The following EFTUD2 variants were observed in gnomAD, a reference collection of about 807,000 sequenced individuals.
EFTUD2 encodes the protein elongation factor Tu GTP binding domain containing 2, also known as 116 kDa U5 small nuclear ribonucleoprotein component.
A neutral mutation model predicts 114.3 loss-of-function variants in EFTUD2; 9 were observed. The observed-to-expected ratio is 0.08, with a 90% CI of 0.05 to 0.14. EFTUD2 has a LOEUF of 0.14. Ranked by LOEUF, EFTUD2 falls within the 10% of genes least tolerant of loss-of-function variation. EFTUD2 has a pLI of 1.00. For synonymous variants in EFTUD2, 449 were observed against 462.3 expected (o/e 0.97, Z 0.37); for missense variants, 765 against 1,241.2 (o/e 0.62, Z 5.76).
At chr17:44,872,394 G>A in intron 11 of EFTUD2, 52 bp downstream of exon 11, 2 of 1,602,556 alleles carry the variant, frequency 1.2e-6, no homozygotes, top group South Asian at 2.2e-5. Flanking sequence ...AGCAGGAAAG[G>A]CACACAGGAC....
intron 4 of EFTUD2, 55 bp downstream of exon 4, chr17:44,885,200 CA>C: frequency 6.8e-7 from 1 of 1,466,726 alleles, no homozygotes; most frequent in Non-Finnish European, 9.5e-7. Context: ...CTTATCTCTA[CA>C]AAAACATGAA....
intron 19 of EFTUD2, 139 bp downstream of exon 19, chr17:44,858,941 C>A: frequency 1.5e-6 from 1 of 658,148 alleles, no homozygotes; most frequent in South Asian, 1.7e-5. Context: ...AAAAACCTTC[C>A]CATATAAGGA....
chr17:44,890,552 C>T (rs146180578), intron 2 of EFTUD2, among the ~76,000 whole-genome samples: 1,929 of 151,768 alleles, frequency 0.013, 39 homozygotes, highest in African/African-American at 0.042. Context: ...ACTAGCCGGG[C>T]GTGGACGCAC....
intron 10 of EFTUD2, among the ~76,000 whole-genome samples, chr17:44,873,721 C>CCCA (rs2145507871): frequency 6.7e-6 from 1 of 150,346 alleles, no homozygotes; most frequent in Non-Finnish European, 1.5e-5. Flanking sequence ...TCAGCTCTAT[C>CCCA]CCACTTCCTA....
At chr17:44,880,267 C>A (rs985761424) in intron 8 of EFTUD2, among the ~76,000 whole-genome samples, 1 of 152,164 alleles carries the variant, frequency 6.6e-6, no homozygotes, top group Non-Finnish European at 1.5e-5. Context: ...TTTAGCTCCC[C>A]AGCAGATAGC....
intron 2 of EFTUD2, among the ~76,000 whole-genome samples, chr17:44,887,526 G>A (rs539008505): frequency 1.2e-4 from 19 of 152,284 alleles, no homozygotes; most frequent in South Asian, 8.3e-4. Context: ...GTATATACAT[G>A]CTACAGCGTA....
chr17:44,860,092 C>G, intron 17 of EFTUD2, 47 bp from the exon 18 acceptor site: 1 of 1,613,716 alleles, frequency 6.2e-7, no homozygotes. Flanking sequence ...CATGAGCAGG[C>G]ACAGAAAGTG....
chr17:44,870,555 C>T (rs2050830441), intron 11 of EFTUD2, among the ~76,000 whole-genome samples: 1 of 152,132 alleles, frequency 6.6e-6, no homozygotes, highest in Non-Finnish European at 1.5e-5. Context: ...CTGCCTCTGC[C>T]ACCTGAGACA....
At position 44,875,997 on chromosome 17, in the gene EFTUD2, A is replaced by T; in HGVS notation, c.806T>A (p.Leu269Gln). 6.2e-7 allele frequency: 1 copy of T among 1,614,150 alleles called. No individual in the cohort carries two copies. Among genetic ancestry groups the T allele is most frequent in the Non-Finnish European group, 8.5e-7 (1 of 1,180,032 alleles). Residue 269 changes from leucine (L) to glutamine (Q), a missense_variant, in exon 10 of 28, where the codon CTG becomes CAG. Leu to Gln is a moderately radical substitution (Grantham distance 113). Coordinates refer to ENST00000426333, the MANE Select transcript of EFTUD2 (RefSeq NM_004247.4). ...KIDRLILELK[L>Q]PPTDAYYKLR... is the part of the protein sequence containing the mutation. ...CTTGTAATAAGCATCAGTTGGAGGC[A>T]GCTTCAGCTCCAGGATCAGCCGGTC...
chr17:44,894,345 G>C, intron 2 of EFTUD2, 72 bp downstream of exon 2: 1 of 1,319,322 alleles, frequency 7.6e-7, no homozygotes, highest in Non-Finnish European at 1.1e-6. Flanking sequence ...ACTCCAACCT[G>C]GCAAGAGAGT....
chr17:44,880,476 G>A (rs1567748521), intron 8 of EFTUD2, 78 bp downstream of exon 8: 23 of 1,113,148 alleles, frequency 2.1e-5, no homozygotes, highest in South Asian at 1.3e-4. Flanking sequence ...GCACTGCTCC[G>A]TTCTGCTCCG....
chr17:44,898,014 G>C (rs1190744853), intron 1 of EFTUD2, among the ~76,000 whole-genome samples: 1 of 152,170 alleles, frequency 6.6e-6, no homozygotes, highest in Non-Finnish European at 1.5e-5. Context: ...GGATTAGACT[G>C]ATACCTCCAA....
At chr17:44,895,614 G>A (rs2051370118) in intron 1 of EFTUD2, among the ~76,000 whole-genome samples, 1 of 151,962 alleles carries the variant, frequency 6.6e-6, no homozygotes, top group Non-Finnish European at 1.5e-5. Flanking sequence ...GAAACCATAT[G>A]GCTCACAAAG....
At chr17:44,897,596 G>A (rs1468393019) in intron 1 of EFTUD2, among the ~76,000 whole-genome samples, 1 of 151,988 alleles carries the variant, frequency 6.6e-6, no homozygotes, top group African/African-American at 2.4e-5. Context: ...ACGGAGTCCC[G>A]CTCTGTTGCC....
intron 6 of EFTUD2, among the ~76,000 whole-genome samples, chr17:44,882,514 C>T (rs535534047): frequency 4.4e-4 from 67 of 152,176 alleles, no homozygotes; most frequent in Non-Finnish European, 7.1e-4. Flanking sequence ...TCCTGGCCTC[C>T]CAAAGTACTG....
chr17:44,870,653 G>C (rs1053016391), intron 11 of EFTUD2, among the ~76,000 whole-genome samples: 37 of 152,074 alleles, frequency 2.4e-4, no homozygotes, highest in African/African-American at 8.4e-4. Context: ...TCCACTTAAT[G>C]AACAGTAAAT....
At chr17:44,890,063 A>G (rs1450947808) in intron 2 of EFTUD2, among the ~76,000 whole-genome samples, 2 of 152,032 alleles carry the variant, frequency 1.3e-5, no homozygotes, top group African/African-American at 4.8e-5. Flanking sequence ...GCTGGAGTGC[A>G]GTGGCGCGAT....
intron 5 of EFTUD2, 78 bp from the exon 6 acceptor site, chr17:44,883,236 C>G: frequency 7.4e-7 from 1 of 1,348,540 alleles, no homozygotes; most frequent in South Asian, 1.2e-5. Flanking sequence ...TCCCAATACA[C>G]CACATAATTT....
At chr17:44,886,971 C>T (rs1376578503) in intron 2 of EFTUD2, among the ~76,000 whole-genome samples, 1 of 152,174 alleles carries the variant, frequency 6.6e-6, no homozygotes, top group Non-Finnish European at 1.5e-5. Context: ...TTGCCCCTTT[C>T]TGAATGTGGG....
Sources: allele counts gnomAD v4.1 joint callset (sites outside exome capture counted in the v4.1 genomes callset), GRCh38; gene constraint gnomAD v4.1.1; transcripts MANE v1.5; gene names NCBI Gene and HGNC (gene_info 2026-07-23, HGNC 2026-07-21).